The following AFAP1L1 variants were observed in gnomAD, a reference collection of about 807,000 sequenced individuals.
The protein encoded by AFAP1L1 is actin filament-associated protein 1-like 1.
AFAP1L1 carries 77 observed loss-of-function variants against 99.8 expected under a neutral mutation model. The observed-to-expected ratio is 0.77, with a 90% CI of 0.64 to 0.93. The LOEUF (loss-of-function observed/expected upper bound fraction) is 0.93, where lower values mean the gene tolerates loss of function less well. AFAP1L1 is among the 40% of genes least tolerant of loss of function. The probability of loss-of-function intolerance (pLI) is 0.00; values close to 1 mark genes in which losing one functional copy is unlikely to be tolerated. For synonymous variants in AFAP1L1, 373 were observed against 395.3 expected (o/e 0.94, Z 0.67); for missense variants, 893 against 996.8 (o/e 0.90, Z 1.40).
At chr5:149,335,567 T>C in intron 17 of AFAP1L1, 27 bp from the exon 18 acceptor site, 2 of 1,611,328 alleles carry the variant, frequency 1.2e-6, no homozygotes, top group South Asian at 2.2e-5. Flanking sequence ...AGATCTCACC[T>C]ATATAATTAT....
chr5:149,284,862 G>C (rs1005840892), intron 1 of AFAP1L1, among the ~76,000 whole-genome samples: 5 of 152,210 alleles, frequency 3.3e-5, no homozygotes, highest in Admixed American at 2.6e-4. Context: ...AAATATCTCA[G>C]GTGAGCAGCA....
intron 7 of AFAP1L1, among the ~76,000 whole-genome samples, chr5:149,308,946 A>C (rs940220354): frequency 2.0e-5 from 3 of 152,026 alleles, no homozygotes; most frequent in Non-Finnish European, 2.9e-5. Context: ...AAAAAAAAAA[A>C]ACCAATGTTT....
intron 2 of AFAP1L1, 135 bp downstream of exon 2, chr5:149,299,772 G>A (rs1756133552): frequency 1.5e-6 from 2 of 1,375,928 alleles, no homozygotes; most frequent in East Asian, 2.5e-5. Context: ...GGAAGGCTAA[G>A]CCCTGGACAC....
At chr5:149,335,789 C>G in intron 18 of AFAP1L1, 67 bp downstream of exon 18, 1 of 1,570,564 alleles carries the variant, frequency 6.4e-7, no homozygotes, top group East Asian at 2.3e-5. Context: ...GAACTTCACC[C>G]AAAACCAAAA....
At chr5:149,331,910 C>T (rs1484524897) in intron 16 of AFAP1L1, among the ~76,000 whole-genome samples, 2 of 152,124 alleles carry the variant, frequency 1.3e-5, no homozygotes, top group Non-Finnish European at 2.9e-5. Context: ...GCCCTCCCAG[C>T]CAACCCAAGC....
chr5:149,280,055 G>A (rs1755467401), intron 1 of AFAP1L1, among the ~76,000 whole-genome samples: 1 of 152,188 alleles, frequency 6.6e-6, no homozygotes, highest in Non-Finnish European at 1.5e-5. Context: ...CTCAATAAAT[G>A]TCTGTTGAGA....
At chr5:149,313,213 T>G (rs552441534) in intron 9 of AFAP1L1, among the ~76,000 whole-genome samples, 2 of 151,774 alleles carry the variant, frequency 1.3e-5, no homozygotes, top group African/African-American at 4.8e-5. Context: ...TTAGCAAATA[T>G]GTCCCAGTAC....
intron 1 of AFAP1L1, among the ~76,000 whole-genome samples, chr5:149,291,016 G>A (rs961177325): frequency 5.9e-5 from 9 of 152,224 alleles, no homozygotes; most frequent in Admixed American, 2.6e-4. Context: ...AAGTGCCACA[G>A]GGAGAGATAC....
intron 1 of AFAP1L1, among the ~76,000 whole-genome samples, chr5:149,292,638 T>C (rs1272205858): frequency 1.3e-5 from 2 of 152,250 alleles, no homozygotes; most frequent in African/African-American, 4.8e-5. Context: ...GATTGAAAAC[T>C]TATAAACGAT....
At chr5:149,338,855 G>T (rs535646130) in intron 18 of AFAP1L1, among the ~76,000 whole-genome samples, 63 of 152,354 alleles carry the variant, frequency 4.1e-4, no homozygotes, top group Middle Eastern at 3.4e-3. Flanking sequence ...GGACGAACCA[G>T]GCAGAGAGAA....
At position 149,322,722 on chromosome 5, in the gene AFAP1L1, G is replaced by A; in HGVS notation, c.1810+5G>A. 6.4e-7 allele frequency: 1 copy of A among 1,571,870 alleles called. No homozygotes were observed. The highest frequency in any genetic ancestry group is 8.6e-7 in the Non-Finnish European group (1 of 1,156,876). ...AAGTCAAACGCCACGCCTCCAGTGA[G>A]TTGTGTGTGGGCCTCCCCTGCTGAC... On this transcript the variant is annotated splice_donor_5th_base_variant and intron_variant, in intron 15 of 18. Coordinates refer to ENST00000296721, the MANE Select transcript of AFAP1L1 (RefSeq NM_152406.4).
At chr5:149,326,565 AAG>A (rs1561683329) in intron 15 of AFAP1L1, among the ~76,000 whole-genome samples, 18 of 140,976 alleles carry the variant, frequency 1.3e-4, no homozygotes, top group African/African-American at 3.5e-4. Context: ...AAAAAAAAGA[AAG>A]AAAAATATAT....
chr5:149,315,899 G>A lies in AFAP1L1; in HGVS notation c.1099G>A (p.Glu367Lys). ...CAACTGTTCTACCCTTGGCCGCCGG[G>A]AGACCTGTGATCACGGTAGGAGCCT... is the stretch of plus-strand genomic sequence containing the variant. ...GDNCSTLGRR[E>K]TCDHGKGKKS... Residue 367 changes from glutamate (E) to lysine (K), a missense_variant, in exon 10 of 19, where the codon GAG becomes AAG. Glu to Lys is a moderately conservative substitution (Grantham distance 56). Transcript: ENST00000296721. 6.2e-7 allele frequency: 1 copy of A among 1,614,160 alleles called. No individual in the cohort carries two copies. Among genetic ancestry groups the A allele is most frequent in the Non-Finnish European group, 8.5e-7 (1 of 1,180,026 alleles).
Position 149,297,804 on chromosome 5 carries a change from G to A in AFAP1L1, c.17-1705G>A, listed in dbSNP as rs772326763. On this transcript the variant is annotated intron_variant, in intron 1 of 18. Transcript: ENST00000296721. ...AGCAGAGAGTCACAGTCCAGTCCACGCCTGCTAGAGCCTCACAGCCTGCCA... is the reference window on the plus strand; with the variant it reads ...AGCAGAGAGTCACAGTCCAGTCCACACCTGCTAGAGCCTCACAGCCTGCCA... Among the ~76,000 whole-genome samples the A allele has an allele frequency of 2.6e-5, 4 of 152,184 alleles. No homozygotes were observed. In the East Asian group the frequency reaches 7.7e-4, roughly 29 times the overall value.
intron 9 of AFAP1L1, 88 bp downstream of exon 9, chr5:149,312,292 G>T (rs757733535): frequency 2.2e-6 from 3 of 1,349,754 alleles, no homozygotes; most frequent in East Asian, 4.6e-5. Flanking sequence ...TGGCTGGGGG[G>T]AAAGTCAGGC....
At chr5:149,302,911 A>G (rs1335188104) in intron 5 of AFAP1L1, among the ~76,000 whole-genome samples, 1 of 152,134 alleles carries the variant, frequency 6.6e-6, no homozygotes, top group Non-Finnish European at 1.5e-5. Context: ...TGCTAACCCA[A>G]GTGCTCCTCT....
intron 1 of AFAP1L1, among the ~76,000 whole-genome samples, chr5:149,296,912 A>C (rs1032033474): frequency 2.6e-5 from 4 of 152,158 alleles, no homozygotes; most frequent in Admixed American, 6.5e-5. Flanking sequence ...CAACAAGGAG[A>C]GATGCCAAGA....
In AFAP1L1 at chr5:149,343,534, A is replaced by C. The variant is rs1396053051; in HGVS notation, c.*3504A>C. ...GAGTACCTACTATACTAGATGTCAG[A>C]AATCAGTGGTGAACAAGACAGACAC... On this transcript the variant is annotated 3_prime_UTR_variant, in exon 19 of 19. Coordinates refer to ENST00000296721, the MANE Select transcript of AFAP1L1 (RefSeq NM_152406.4). Among the ~76,000 whole-genome samples the C allele has an allele frequency of 6.6e-6, 1 of 152,198 alleles. No homozygotes were observed. The highest frequency in any genetic ancestry group is 2.4e-5 in the African/African-American group (1 of 41,438).
chr5:149,275,407 C>T (rs1264216884), intron 1 of AFAP1L1, among the ~76,000 whole-genome samples: 3 of 152,156 alleles, frequency 2.0e-5, no homozygotes, highest in Non-Finnish European at 4.4e-5. Flanking sequence ...CCTTCGTGGC[C>T]TCTTCTCTGT....
Sources: allele counts gnomAD v4.1 joint callset (sites outside exome capture counted in the v4.1 genomes callset), GRCh38; gene constraint gnomAD v4.1.1; transcripts MANE v1.5; gene names NCBI Gene and HGNC (gene_info 2026-07-23, HGNC 2026-07-21).